ST6GAL1: variants seen among roughly 807,000 people sequenced by gnomAD.
ST6GAL1 encodes the protein ST6 beta-galactoside alpha-2,6-sialyltransferase 1.
A neutral mutation model predicts 38.0 loss-of-function variants in ST6GAL1; 20 were observed. The ratio of observed to expected loss-of-function variants is 0.53; its 90% CI spans 0.37 to 0.77. The LOEUF is 0.77. ST6GAL1 is among the 30% of genes least tolerant of loss of function. The probability of loss-of-function intolerance (pLI) is 0.00; values close to 1 mark genes in which losing one functional copy is unlikely to be tolerated. For missense variants in ST6GAL1, 432 were observed against 496.4 expected (o/e 0.87, Z 1.23); for synonymous variants, 196 against 188.2 (o/e 1.04, Z -0.34).
intron 2 of ST6GAL1, among the ~76,000 whole-genome samples, chr3:187,016,991 A>G (rs1029976517): frequency 1.3e-5 from 2 of 152,258 alleles, no homozygotes; most frequent in Non-Finnish European, 2.9e-5. Flanking sequence ...TGAATTCTTC[A>G]TAACAGGCGA....
chr3:186,997,721 C>T (rs527361024), intron 2 of ST6GAL1, among the ~76,000 whole-genome samples: 19 of 151,154 alleles, frequency 1.3e-4, no homozygotes, highest in South Asian at 2.1e-4. Context: ...GGAATCATTG[C>T]GCTCCAGCCT....
chr3:187,063,125 T>G (rs28460831), intron 5 of ST6GAL1, among the ~76,000 whole-genome samples: 23,370 of 152,206 alleles, frequency 0.15, 3,486 homozygotes, highest in African/African-American at 0.39. Flanking sequence ...AAAAGCTTTC[T>G]TTTAAATCAA....
chr3:186,940,041 G>C (rs573503868), intron 1 of ST6GAL1, among the ~76,000 whole-genome samples: 1 of 152,318 alleles, frequency 6.6e-6, no homozygotes, highest in East Asian at 1.9e-4. Flanking sequence ...ATCCGATTTA[G>C]TAATCAAGTC....
rs555806186 is a variant in ST6GAL1 at position 187,041,361 on chromosome 3, T to A, written c.-50-1293T>A. On this transcript the variant is annotated intron_variant, in intron 3 of 7. Transcript: ENST00000169298. ...GAAGGGACCTCAGACCCCTAGTGGG[T>A]TAGCAAAACCCCGGAGGTGATTGCT... 3.3e-5 allele frequency among the ~76,000 whole-genome samples: 5 copies of A among 152,268 alleles called. No homozygotes were observed. The East Asian group carries it at 9.7e-4, about 29-fold the overall frequency.
At chr3:187,033,696 A>G (rs542049278) in intron 2 of ST6GAL1, among the ~76,000 whole-genome samples, 136 of 152,310 alleles carry the variant, frequency 8.9e-4, no homozygotes, top group African/African-American at 2.8e-3. Context: ...TTATTGCTGG[A>G]TGCTTAGTTG....
chr3:187,060,899 A>T (rs1271003978), intron 5 of ST6GAL1, among the ~76,000 whole-genome samples: 1 of 152,204 alleles, frequency 6.6e-6, no homozygotes, highest in Non-Finnish European at 1.5e-5. Context: ...TTTAAATGAC[A>T]CGTTGTTCTG....
At chr3:187,073,139 T>C (rs140587373) in intron 6 of ST6GAL1, among the ~76,000 whole-genome samples, 192 bp downstream of exon 6, 280 of 152,346 alleles carry the variant, frequency 1.8e-3, no homozygotes, top group African/African-American at 6.2e-3. Flanking sequence ...GCTACTCTCT[T>C]TGCCGTGCCA....
intron 2 of ST6GAL1, among the ~76,000 whole-genome samples, chr3:187,007,407 G>C (rs1167875443): frequency 2.0e-5 from 3 of 152,178 alleles, no homozygotes; most frequent in African/African-American, 7.2e-5. Context: ...AACCACCCAA[G>C]TCCCAGACAA....
Position 187,011,595 on chromosome 3 carries a change from C to T in ST6GAL1, c.-182-27147C>T, listed in dbSNP as rs892403912. Among the ~76,000 whole-genome samples, 54 of 152,296 alleles carry T rather than the reference C, an allele frequency of 3.5e-4. 1 individual carries two copies. Among genetic ancestry groups the T allele is most frequent in the Admixed American group, 2.9e-3 (45 of 15,296 alleles). On this transcript the variant is annotated intron_variant, in intron 2 of 7. Transcript: ENST00000169298. ...ACAACCTCCTGCTCTTTTTCAGAGGCGGCAAGGAGCTCAGAGCTGGGTTCC... is the reference window on the plus strand; with the variant it reads ...ACAACCTCCTGCTCTTTTTCAGAGGTGGCAAGGAGCTCAGAGCTGGGTTCC...
intron 1 of ST6GAL1, among the ~76,000 whole-genome samples, 153 bp from the exon 2 acceptor site, chr3:186,963,632 T>C (rs1265997914): frequency 6.6e-6 from 1 of 152,220 alleles, no homozygotes; most frequent in East Asian, 1.9e-4. Flanking sequence ...GGGATGAGTC[T>C]GGGTGAACAT....
chr3:187,016,628 A>C (rs1229941048), intron 2 of ST6GAL1, among the ~76,000 whole-genome samples: 1 of 152,238 alleles, frequency 6.6e-6, no homozygotes, highest in African/African-American at 2.4e-5. Context: ...AACGTTGGTC[A>C]ACATGCTCCA....
At chr3:186,965,787 G>C (rs762756515) in intron 2 of ST6GAL1, among the ~76,000 whole-genome samples, 1 of 152,166 alleles carries the variant, frequency 6.6e-6, no homozygotes, top group Non-Finnish European at 1.5e-5. Context: ...TCTCTTCCTC[G>C]TCCTTCCCCT....
At chr3:187,020,810 A>G (rs1305453619) in intron 2 of ST6GAL1, among the ~76,000 whole-genome samples, 2 of 152,240 alleles carry the variant, frequency 1.3e-5, no homozygotes, top group African/African-American at 4.8e-5. Flanking sequence ...CAGTTGGGCC[A>G]TAGTCTGGTT....
chr3:187,034,141 A>G (rs1717848478), intron 2 of ST6GAL1, among the ~76,000 whole-genome samples: 1 of 152,182 alleles, frequency 6.6e-6, no homozygotes, highest in South Asian at 2.1e-4. Flanking sequence ...CTGTTCACAC[A>G]AAGTAGAAAA....
intron 2 of ST6GAL1, among the ~76,000 whole-genome samples, chr3:187,005,563 C>T (rs1474642672): frequency 2.6e-5 from 4 of 152,248 alleles, no homozygotes; most frequent in South Asian, 2.1e-4. Context: ...GCATGAGCCA[C>T]GGCGCCCGGC....
At chr3:186,963,223 T>TA (rs939098344) in intron 1 of ST6GAL1, among the ~76,000 whole-genome samples, 70 of 151,628 alleles carry the variant, frequency 4.6e-4, no homozygotes, top group African/African-American at 1.6e-3. Flanking sequence ...AAATTCACTT[T>TA]AAAAAAAACT....
At chr3:187,014,600 G>C (rs1717060588) in intron 2 of ST6GAL1, among the ~76,000 whole-genome samples, 1 of 152,218 alleles carries the variant, frequency 6.6e-6, no homozygotes, top group African/African-American at 2.4e-5. Flanking sequence ...TGCTTGGTCA[G>C]CATGCAGGAG....
chr3:186,938,523 C>G (rs1281364195), intron 1 of ST6GAL1, among the ~76,000 whole-genome samples: 1 of 152,176 alleles, frequency 6.6e-6, no homozygotes, highest in East Asian at 1.9e-4. Flanking sequence ...GAGGTTTTCA[C>G]AAGCCGCACA....
intron 5 of ST6GAL1, among the ~76,000 whole-genome samples, chr3:187,071,647 A>G (rs571299302): frequency 1.3e-5 from 2 of 151,506 alleles, no homozygotes; most frequent in South Asian, 2.1e-4. Context: ...TGTAGTCCCA[A>G]CTGCTTGGAG....
Sources: allele counts gnomAD v4.1 joint callset (sites outside exome capture counted in the v4.1 genomes callset), GRCh38; gene constraint gnomAD v4.1.1; transcripts MANE v1.5; gene names NCBI Gene and HGNC (gene_info 2026-07-23, HGNC 2026-07-21).